The following KCNK10 variants were observed in gnomAD, a reference collection of about 807,000 sequenced individuals.
KCNK10 encodes the protein potassium channel subfamily K member 10.
In KCNK10, 25 loss-of-function variants were observed where a neutral mutation model predicts 47.7. The ratio of observed to expected loss-of-function variants is 0.52; its 90% CI spans 0.38 to 0.73. The LOEUF is 0.73. Among genes scored for constraint, KCNK10 ranks in the 30% least tolerant of loss-of-function variants. The probability of loss-of-function intolerance (pLI) is 0.00; values close to 1 mark genes in which losing one functional copy is unlikely to be tolerated. For synonymous variants in KCNK10, 303 were observed against 285.6 expected (o/e 1.06, Z -0.61); for missense variants, 563 against 714.5 (o/e 0.79, Z 2.42).
chr14:88,199,135 G>A (rs1202631482), intron 4 of KCNK10, among the ~76,000 whole-genome samples: 2 of 151,992 alleles, frequency 1.3e-5, no homozygotes, highest in African/African-American at 4.8e-5. Context: ...GGCCATGCTG[G>A]TCTTGAACTC....
intron 2 of KCNK10, among the ~76,000 whole-genome samples, chr14:88,249,041 A>G (rs751977992): frequency 3.9e-5 from 6 of 152,232 alleles, no homozygotes; most frequent in Non-Finnish European, 7.3e-5. Context: ...ATCTTCCACG[A>G]ATAGTTCTCT....
At chr14:88,323,717 C>G (rs113593293), upstream of KCNK10, 5,419 of 152,180 alleles carry the variant, frequency 0.036, 127 homozygotes, top group Middle Eastern at 0.06. Context: ...GCCGGAGACA[C>G]GCTTGGTTGC....
At chr14:88,288,704 A>G (rs1340203900) in intron 1 of KCNK10, among the ~76,000 whole-genome samples, 3 of 151,874 alleles carry the variant, frequency 2.0e-5, no homozygotes, top group East Asian at 3.9e-4. Context: ...TTCATCTCCT[A>G]CCATCTGTCC....
intron 4 of KCNK10, among the ~76,000 whole-genome samples, chr14:88,207,125 A>G (rs904056951): frequency 6.8e-6 from 1 of 147,888 alleles, no homozygotes; most frequent in Non-Finnish European, 1.5e-5. Context: ...CCCCATTGCC[A>G]TTTATTTGCA....
At chr14:88,251,804 C>T (rs969419334) in intron 2 of KCNK10, among the ~76,000 whole-genome samples, 6 of 152,338 alleles carry the variant, frequency 3.9e-5, no homozygotes, top group African/African-American at 1.2e-4. Context: ...GTTCCCTTTG[C>T]TAAATGCCCT....
chr14:88,254,548 G>A (rs942443657), intron 2 of KCNK10, among the ~76,000 whole-genome samples: 3 of 152,112 alleles, frequency 2.0e-5, no homozygotes, highest in Non-Finnish European at 2.9e-5. Context: ...CCTGCAAACC[G>A]AAGCATTCAT....
intron 1 of KCNK10, among the ~76,000 whole-genome samples, chr14:88,279,022 C>T (rs1296794858): frequency 6.6e-6 from 1 of 152,116 alleles, no homozygotes; most frequent in Non-Finnish European, 1.5e-5. Flanking sequence ...CCCAAAAGTG[C>T]CACGCCACTG....
rs1888368717 is a variant in KCNK10 at position 88,313,470 on chromosome 14, G to GT, written c.52+9276dup. On this transcript the variant is annotated intron_variant, in intron 1 of 6. Transcript: ENST00000319231. Reference sequence around the variant, plus strand: ...TAAAAAGTGTTGCCAATTCCACCTTGTTCTCTCTTGAATCACTTGTTCTTG... The same window carrying GT: ...TAAAAAGTGTTGCCAATTCCACCTTGTTTCTCTCTTGAATCACTTGTTCTTG... Among the ~76,000 whole-genome samples the GT allele has an allele frequency of 2.0e-5, 3 of 152,278 alleles. No individual in the cohort carries two copies. In the South Asian group the frequency reaches 6.2e-4, roughly 32 times the overall value.
intron 5 of KCNK10, among the ~76,000 whole-genome samples, chr14:88,191,851 T>C (rs917779087): frequency 1.3e-5 from 2 of 152,226 alleles, no homozygotes; most frequent in Admixed American, 1.3e-4. Flanking sequence ...AATTCTATGC[T>C]AATCTCATCT....
chr14:88,316,129 C>A (rs2139804713), intron 1 of KCNK10, among the ~76,000 whole-genome samples: 1 of 152,202 alleles, frequency 6.6e-6, no homozygotes, highest in South Asian at 2.1e-4. Context: ...CCCACTACCT[C>A]CAATGCCCAC....
At chr14:88,242,076 G>A (rs1595100148) in intron 2 of KCNK10, among the ~76,000 whole-genome samples, 2 of 152,230 alleles carry the variant, frequency 1.3e-5, no homozygotes, top group Admixed American at 6.5e-5. Context: ...CAGACTCTCT[G>A]TTCCTTGGGC....
intron 1 of KCNK10, among the ~76,000 whole-genome samples, chr14:88,291,868 G>T (rs751587189): frequency 6.6e-6 from 1 of 152,178 alleles, no homozygotes; most frequent in African/African-American, 2.4e-5. Context: ...GGCCAAGTAG[G>T]CACTGGATGG....
At chr14:88,266,821 G>A (rs1241090473) in intron 1 of KCNK10, among the ~76,000 whole-genome samples, 2 of 152,186 alleles carry the variant, frequency 1.3e-5, no homozygotes, top group African/African-American at 4.8e-5. Context: ...TAAATAGCAT[G>A]AGCATGGAGG....
At chr14:88,292,452 C>T (rs1015738910) in intron 1 of KCNK10, among the ~76,000 whole-genome samples, 9 of 151,946 alleles carry the variant, frequency 5.9e-5, no homozygotes, top group Admixed American at 1.3e-4. Context: ...CGGGTTCAAG[C>T]GATTCTCCTG....
At chr14:88,205,312 G>A (rs866637661) in intron 4 of KCNK10, among the ~76,000 whole-genome samples, 1 of 152,072 alleles carries the variant, frequency 6.6e-6, no homozygotes, top group Non-Finnish European at 1.5e-5. Context: ...TCAGACTCCT[G>A]TTCATTCCTC....
chr14:88,323,329 G>A (rs1888593180), upstream of KCNK10: 3 of 979,196 alleles, frequency 3.1e-6, no homozygotes, highest in Non-Finnish European at 3.6e-6. Flanking sequence ...CCCGGCCGCG[G>A]CTCCTCGCCC....
At chr14:88,323,392 G>T, upstream of KCNK10, 1 of 729,902 alleles carries the variant, frequency 1.4e-6, no homozygotes, top group Non-Finnish European at 1.7e-6. Context: ...TGTAGGGGTG[G>T]CGCGGCGCCC....
At chr14:88,268,879 T>C (rs368812888) in intron 1 of KCNK10, among the ~76,000 whole-genome samples, 1 of 152,228 alleles carries the variant, frequency 6.6e-6, no homozygotes, top group Non-Finnish European at 1.5e-5. Flanking sequence ...AATATCTGCA[T>C]GGCTGGGCGC....
At chr14:88,250,108 T>C (rs971620601) in intron 2 of KCNK10, among the ~76,000 whole-genome samples, 1 of 152,208 alleles carries the variant, frequency 6.6e-6, no homozygotes, top group Admixed American at 6.5e-5. Context: ...TTTGGTTTTA[T>C]TTTTATGGGA....
Sources: allele counts gnomAD v4.1 joint callset (sites outside exome capture counted in the v4.1 genomes callset), GRCh38; gene constraint gnomAD v4.1.1; transcripts MANE v1.5; gene names NCBI Gene and HGNC (gene_info 2026-07-23, HGNC 2026-07-21).